CNTLN: variants seen among roughly 807,000 people sequenced by gnomAD.
CNTLN encodes centlein.
A neutral mutation model predicts 180.0 loss-of-function variants in CNTLN; 212 were observed. The ratio of observed to expected loss-of-function variants is 1.18; its 90% CI spans 1.05 to 1.32. CNTLN has a LOEUF of 1.32. Ranked by LOEUF, CNTLN falls within the 40% of genes most tolerant of loss-of-function variation. The pLI is 0.00. For missense variants in CNTLN, 2,095 were observed against 1,610.9 expected (o/e 1.30, Z -5.14); for synonymous variants, 722 against 563.1 (o/e 1.28, Z -3.99).
At chr9:17,414,663 C>CT (rs941616605) in intron 16 of CNTLN, among the ~76,000 whole-genome samples, 1 of 152,150 alleles carries the variant, frequency 6.6e-6, no homozygotes, top group Non-Finnish European at 1.5e-5. Flanking sequence ...TAGATATAGG[C>CT]TTCTGTTCCA....
chr9:17,309,137 A>G lies in CNTLN; in HGVS notation c.1226A>G (p.Gln409Arg), dbSNP rs1370672947. The G allele has an allele frequency of 6.2e-7, 1 of 1,610,582 alleles. No individual in the cohort carries two copies. The highest frequency in any genetic ancestry group is 1.7e-5 in the Admixed American group (1 of 59,642). ...CTCCGGCAAAGTGTTACTAATCTTC[A>G]GGATCAGCTATTACAAAAAGAGCAA... ...AMLRQSVTNL[Q>R]DQLLQKEQEN... Residue 409 changes from glutamine (Q) to arginine (R), a missense_variant, in exon 8 of 26, where the codon CAG becomes CGG. Gln to Arg is a conservative substitution (Grantham distance 43). Coordinates refer to ENST00000380647, the MANE Select transcript of CNTLN (RefSeq NM_017738.4).
chr9:17,171,379 CT>C (rs1474061445), intron 2 of CNTLN, among the ~76,000 whole-genome samples: 5 of 152,116 alleles, frequency 3.3e-5, no homozygotes, highest in Non-Finnish European at 7.3e-5. Context: ...TGGTTCCAAG[CT>C]TTGGTGAGGA....
intron 7 of CNTLN, 60 bp from the exon 8 acceptor site, chr9:17,308,998 A>T: frequency 8.7e-7 from 1 of 1,146,706 alleles, no homozygotes; most frequent in South Asian, 1.9e-5. Context: ...ACACACACAG[A>T]CACACAGACA....
intron 5 of CNTLN, among the ~76,000 whole-genome samples, chr9:17,248,134 C>A (rs1212523811): frequency 6.6e-6 from 1 of 152,174 alleles, no homozygotes; most frequent in African/African-American, 2.4e-5. Flanking sequence ...CCTCGTCTTT[C>A]ACTATACTGG....
chr9:17,462,903 A>G lies in CNTLN; in HGVS notation c.3307-13A>G, dbSNP rs765860125. ...GTAAGGTATATTTAAATTTATTTCT[A>G]TTTTTAATCTAGAATGCTACTAATG... On this transcript the variant is annotated splice_polypyrimidine_tract_variant and intron_variant, in intron 19 of 25. Coordinates refer to ENST00000380647, the MANE Select transcript of CNTLN (RefSeq NM_017738.4). 1.4e-6 allele frequency: 2 copies of G among 1,444,594 alleles called. No homozygotes were observed. Among genetic ancestry groups the G allele is most frequent in the Admixed American group, 2.5e-5 (1 of 40,098 alleles). The allele number at this position is 1,444,594 out of a possible 1,614,324, so 89.5% of individuals were successfully genotyped here.
At chr9:17,265,419 G>C (rs1227081606) in intron 5 of CNTLN, among the ~76,000 whole-genome samples, 1 of 152,120 alleles carries the variant, frequency 6.6e-6, no homozygotes, top group Non-Finnish European at 1.5e-5. Context: ...TAAGCTTTTT[G>C]ATGTGCTGCT....
At chr9:17,461,065 C>G (rs2593398) in intron 19 of CNTLN, among the ~76,000 whole-genome samples, 146,459 of 151,470 alleles carry the variant, frequency 0.97, 70,957 homozygotes, top group Non-Finnish European at 1. Flanking sequence ...TTTAGAGGAG[C>G]GATAAGTAGA....
At chr9:17,423,177 G>A (rs1828844110) in intron 18 of CNTLN, among the ~76,000 whole-genome samples, 1 of 152,192 alleles carries the variant, frequency 6.6e-6, no homozygotes, top group African/African-American at 2.4e-5. Flanking sequence ...CCTGAAGCTA[G>A]CAACATAGTG....
At chr9:17,463,229 C>T (rs1023484154) in intron 20 of CNTLN, among the ~76,000 whole-genome samples, 1 of 151,352 alleles carries the variant, frequency 6.6e-6, no homozygotes, top group Admixed American at 6.6e-5. Context: ...GTTAAATTTC[C>T]GTTATTAAAC....
At chr9:17,416,509 C>T (rs1029584967) in intron 18 of CNTLN, among the ~76,000 whole-genome samples, 1 of 152,106 alleles carries the variant, frequency 6.6e-6, no homozygotes, top group Non-Finnish European at 1.5e-5. Flanking sequence ...TAAAAGCAGG[C>T]TTCATACATA....
At chr9:17,227,666 A>C (rs1228726343) in intron 3 of CNTLN, among the ~76,000 whole-genome samples, 1 of 152,030 alleles carries the variant, frequency 6.6e-6, no homozygotes, top group African/African-American at 2.4e-5. Context: ...GAAAAGACTA[A>C]AAGTTCCATT....
chr9:17,379,205 C>T (rs528586686), intron 13 of CNTLN, among the ~76,000 whole-genome samples: 22 of 152,170 alleles, frequency 1.4e-4, no homozygotes, highest in African/African-American at 5.3e-4. Flanking sequence ...TACTACTGCA[C>T]CTGTATGAGC....
intron 18 of CNTLN, among the ~76,000 whole-genome samples, chr9:17,456,440 G>C (rs961721582): frequency 1.3e-5 from 2 of 151,998 alleles, no homozygotes; most frequent in Admixed American, 1.3e-4. Context: ...TCAAGTTCTA[G>C]TTTTGAGTCC....
At chr9:17,192,041 T>C (rs2131813865) in intron 2 of CNTLN, among the ~76,000 whole-genome samples, 1 of 152,278 alleles carries the variant, frequency 6.6e-6, no homozygotes, top group South Asian at 2.1e-4. Flanking sequence ...AGAAGTATAT[T>C]CTGTACCTTG....
chr9:17,372,840 T>G (rs1217807923), intron 13 of CNTLN, among the ~76,000 whole-genome samples: 3 of 152,146 alleles, frequency 2.0e-5, no homozygotes, highest in African/African-American at 7.2e-5. Flanking sequence ...CATTAATCAA[T>G]GTGATACATA....
chr9:17,194,992 G>C (rs993248592), intron 2 of CNTLN, among the ~76,000 whole-genome samples: 2 of 152,170 alleles, frequency 1.3e-5, no homozygotes, highest in African/African-American at 4.8e-5. Flanking sequence ...GAACAGTATG[G>C]GGGAAACCGC....
At chr9:17,181,878 C>G (rs1055120571) in intron 2 of CNTLN, among the ~76,000 whole-genome samples, 1 of 152,222 alleles carries the variant, frequency 6.6e-6, no homozygotes, top group Non-Finnish European at 1.5e-5. Context: ...GTGGCTTCCA[C>G]TGTCATCACG....
intron 14 of CNTLN, among the ~76,000 whole-genome samples, chr9:17,391,427 G>A (rs972432527): frequency 2.0e-5 from 3 of 152,076 alleles, no homozygotes; most frequent in Non-Finnish European, 4.4e-5. Context: ...AAAAGGGGAG[G>A]GTGACAGGAA....
intron 23 of CNTLN, among the ~76,000 whole-genome samples, chr9:17,480,565 ACTTTGTTTT>A (rs1158776870): frequency 6.6e-6 from 1 of 152,204 alleles, no homozygotes; most frequent in Non-Finnish European, 1.5e-5. Context: ...ACATAAGGCT[ACTTTGTTTT>A]CAAAGCCATG....
Sources: allele counts gnomAD v4.1 joint callset (sites outside exome capture counted in the v4.1 genomes callset), GRCh38; gene constraint gnomAD v4.1.1; transcripts MANE v1.5; gene names NCBI Gene and HGNC (gene_info 2026-07-23, HGNC 2026-07-21).